The following CLDN6 variants were observed in gnomAD, a reference collection of about 807,000 sequenced individuals.
CLDN6 encodes claudin-6.
For missense variants in CLDN6, 279 were observed against 284.1 expected, an observed-to-expected ratio of 0.98 and a Z score of 0.13; for synonymous variants, 144 against 131.2, an observed-to-expected ratio of 1.10 and a Z score of -0.67.
rs780798344 is a variant in CLDN6, at chr16:3,015,956, C to T, written c.66G>A (p.Leu22=). The T allele has an allele frequency of 1.2e-6, 2 of 1,614,100 alleles. No individual in the cohort carries two copies. The highest frequency in any genetic ancestry group is 1.7e-5 in the Admixed American group (1 of 60,012). The change falls in exon 2 of 2, where the codon CTG becomes CTA. Residue 22 remains leucine (L), a synonymous_variant. Coordinates refer to ENST00000328796, the MANE Select transcript of CLDN6 (RefSeq NM_021195.5). ...VLTLLGWVNG[L]VSCALPMWKV... ...TCCACATGGGCAGGGCACAGGAGAC[C>T]AGGCCATTCACCCAGCCCAGCAGTG...
chr16:3,015,595 T>C lies in CLDN6; in HGVS notation c.427A>G (p.Ile143Val), dbSNP rs2257295. The C allele has an allele frequency of 0.38, 616,900 of 1,612,852 alleles. 120,330 individuals carry two copies. Among genetic ancestry groups the C allele is most frequent in the Middle Eastern group, 0.4 (2,417 of 6,016 alleles). ...LIPVCWTAHA[I>V]IRDFYNPLVA... Reference sequence around the variant, plus strand: ...AGGGGGTTATAGAAGTCCCGGATGATGGCATGCGCCGTCCAGCACACGGGG... The same window carrying C: ...AGGGGGTTATAGAAGTCCCGGATGACGGCATGCGCCGTCCAGCACACGGGG... Residue 143 changes from isoleucine to valine, a missense_variant, in exon 2 of 2, where the codon ATC becomes GTC. Transcript: ENST00000328796.
intron 1 of CLDN6, 28 bp from the exon 2 acceptor site, chr16:3,016,070 G>A (rs772041953): frequency 3.2e-6 from 5 of 1,573,940 alleles, no homozygotes; most frequent in African/African-American, 1.3e-5. Context: ...GCACAACAAG[G>A]TGAGGCCTGG....
chr16:3,016,047 GTT>G lies in CLDN6; in HGVS notation c.-21-7_-21-6del. 6.2e-7 allele frequency: 1 copy of G among 1,600,160 alleles called. No homozygotes were observed. Among genetic ancestry groups the G allele is most frequent in the Non-Finnish European group, 8.5e-7 (1 of 1,171,484 alleles). ...GGCGAGGTTGAAGGAGCTGCACTGT[GTT>G]TGGGACAGAAGCACAACAAGGTGAG... On this transcript the variant is annotated splice_polypyrimidine_tract_variant and splice_region_variant and intron_variant, in intron 1 of 1. Coordinates refer to ENST00000328796, the MANE Select transcript of CLDN6 (RefSeq NM_021195.5).
At position 3,015,920 on chromosome 16, in the gene CLDN6, A is replaced by G. The variant is rs772929726; in HGVS notation, c.102T>C (p.Ala34=). The G allele has an allele frequency of 1.1e-4, 171 of 1,614,116 alleles. No individual in the cohort carries two copies. Among genetic ancestry groups the G allele is most frequent in the Non-Finnish European group, 8.7e-5 (103 of 1,180,050 alleles). Residue 34 remains alanine, a synonymous_variant, in exon 2 of 2, where the codon GCT becomes GCC. Coordinates refer to ENST00000328796, the MANE Select transcript of CLDN6 (RefSeq NM_021195.5). ...CCACCACGATGCTGTTGCCGATGAAAGCGGTCACCTTCCACATGGGCAGGG... is the reference window on the plus strand; with the variant it reads ...CCACCACGATGCTGTTGCCGATGAAGGCGGTCACCTTCCACATGGGCAGGG... The part of the protein sequence containing the change: ...SCALPMWKVT[A]FIGNSIVVAQ...
rs2072556494 is a variant in CLDN6, at chr16:3,015,083, C to T, written c.*276G>A. 1 of 445,820 alleles carries T rather than the reference C, an allele frequency of 2.2e-6. No individual in the cohort carries two copies. The highest frequency in any genetic ancestry group is 3.8e-5 in the Admixed American group (1 of 26,202). The allele number at this position is 445,820 out of a possible 1,614,324, so 27.6% of individuals were successfully genotyped here. ...ACAGCAAGCAGCCTCCGCATTAGTT[C>T]CATAGCTTGACTGGCTTCTAAGATG... On this transcript the variant is annotated 3_prime_UTR_variant, in exon 2 of 2. Coordinates refer to ENST00000328796, the MANE Select transcript of CLDN6 (RefSeq NM_021195.5).
chr16:3,017,265 C>T (rs1370262261), intron 1 of CLDN6, among the ~76,000 whole-genome samples: 1 of 152,204 alleles, frequency 6.6e-6, no homozygotes, highest in African/African-American at 2.4e-5. Context: ...GTGGATAACT[C>T]CCTGGCCCCA....
rs536531302 is a variant in CLDN6 at position 3,015,455 on chromosome 16, C to T, written c.567G>A (p.Gly189=). Reference sequence around the variant, plus strand: ...CCATGTAATGGCTGGGGCCCTGGGACCCCCCCGAGGGGCAAGTGCAGCACA... The same window carrying T: ...CCATGTAATGGCTGGGGCCCTGGGATCCCCCCGAGGGGCAAGTGCAGCACA... ...GLLCCTCPSG[G]SQGPSHYMAR... Residue 189 remains glycine, a synonymous_variant, in exon 2 of 2, where the codon GGG becomes GGA. Transcript: ENST00000328796. 9.5e-6 allele frequency: 15 copies of T among 1,573,144 alleles called. No individual in the cohort carries two copies. In the South Asian group the frequency reaches 1.5e-4, roughly 16 times the overall value.
In CLDN6 at chr16:3,015,011, C is replaced by T. The variant is rs2072556132; in HGVS notation, c.*348G>A. ...ACATCTAGGGAAGCCCAGCCCCCAG[C>T]AGCAGCAGGAACTCTTGGGGACAGT... is the stretch of plus-strand genomic sequence containing the variant. On this transcript the variant is annotated 3_prime_UTR_variant, in exon 2 of 2. Coordinates refer to ENST00000328796, the MANE Select transcript of CLDN6 (RefSeq NM_021195.5). 2.4e-6 allele frequency: 1 copy of T among 412,234 alleles called. No homozygotes were observed. Among genetic ancestry groups the T allele is most frequent in the Non-Finnish European group, 4.3e-6 (1 of 234,354 alleles). The allele number at this position is 412,234 out of a possible 1,614,324, so 25.5% of individuals were successfully genotyped here. A position where few individuals can be genotyped will look rare whatever the true frequency, so the allele number is the denominator to read the frequency against.
chr16:3,015,718 C>T lies in CLDN6; in HGVS notation c.304G>A (p.Ala102Thr). The T allele has an allele frequency of 1.2e-6, 2 of 1,613,900 alleles. No individual in the cohort carries two copies. The highest frequency in any genetic ancestry group is 1.1e-5 in the South Asian group (1 of 91,086). Reference sequence around the variant, plus strand: ...TCCTCCACACAGGTGGTACACTTGGCCCCAGCAAGGTAGACCAGCAAGCCG... The same window carrying T: ...TCCTCCACACAGGTGGTACACTTGGTCCCAGCAAGGTAGACCAGCAAGCCG... ...LFGLLVYLAG[A>T]KCTTCVEEKD... is the part of the protein sequence containing the mutation. Residue 102 changes from alanine to threonine, a missense_variant, in exon 2 of 2, where the codon GCC becomes ACC. By Grantham distance (58) the Ala-to-Thr change is moderately conservative. Coordinates refer to ENST00000328796, the MANE Select transcript of CLDN6 (RefSeq NM_021195.5).
At chr16:3,017,914 C>T (rs2072578225) in intron 1 of CLDN6, among the ~76,000 whole-genome samples, 1 of 150,812 alleles carries the variant, frequency 6.6e-6, no homozygotes, top group African/African-American at 2.4e-5. Context: ...GGGAGGGGCG[C>T]CAGGGGTTTC....
At chr16:3,017,494 T>C (rs1337650090) in intron 1 of CLDN6, among the ~76,000 whole-genome samples, 3 of 152,158 alleles carry the variant, frequency 2.0e-5, no homozygotes, top group Admixed American at 6.5e-5. Context: ...AGTACTTTCA[T>C]TGTACGGCTT....
chr16:3,016,070 G>T, intron 1 of CLDN6, 28 bp from the exon 2 acceptor site: 2 of 1,574,058 alleles, frequency 1.3e-6, no homozygotes, highest in Non-Finnish European at 1.7e-6. Context: ...GCACAACAAG[G>T]TGAGGCCTGG....
In CLDN6 at chr16:3,017,747, AAG is replaced by A. The variant is rs2072576717; in HGVS notation, c.-22+400_-22+401del. Among the ~76,000 whole-genome samples the A allele has an allele frequency of 5.3e-5, 8 of 151,898 alleles. No homozygotes were observed. The South Asian group carries it at 1.7e-3, about 31-fold the overall frequency. ...TTTCTTTTTCATGCACTGCATGAAA[AAG>A]ACTCTGTCCGAGGGCGCCCCGGCCC... On this transcript the variant is annotated intron_variant, in intron 1 of 1. Transcript: ENST00000328796.
At position 3,014,912 on chromosome 16, in the gene CLDN6, A is replaced by C. The variant is rs985503916; in HGVS notation, c.*447T>G. On this transcript the variant is annotated 3_prime_UTR_variant, in exon 2 of 2. Coordinates refer to ENST00000328796, the MANE Select transcript of CLDN6 (RefSeq NM_021195.5). The stretch of plus-strand genomic sequence containing the variant: ...CGGAGGTGGGCAGTCCTTTGTTAAC[A>C]GATCATTTGTTTTTCCAGGGGTGAA... The C allele has an allele frequency of 1.6e-4, 64 of 391,358 alleles. No homozygotes were observed. The highest frequency in any genetic ancestry group is 2.5e-4 in the Non-Finnish European group (56 of 222,556). 24.2% of individuals were successfully genotyped at this position (391,358 alleles called of 1,614,324 possible).
chr16:3,018,161 T>A lies in CLDN6; in HGVS notation c.-34A>T, dbSNP rs758634252. On this transcript the variant is annotated 5_prime_UTR_variant, in exon 1 of 2. Coordinates refer to ENST00000328796, the MANE Select transcript of CLDN6 (RefSeq NM_021195.5). The stretch of plus-strand genomic sequence containing the variant: ...GCCCCGGACTCACCTGCGAAGGAGA[T>A]AAGGGAAATTCCTAGGCCGAGTGTC... 6.6e-6 allele frequency: 1 copy of A among 152,142 alleles called. No homozygotes were observed. The highest frequency in any genetic ancestry group is 1.5e-5 in the Non-Finnish European group (1 of 68,036). The allele number at this position is 152,142 out of a possible 1,614,324, so 9.4% of individuals were successfully genotyped here.
chr16:3,015,491 A>C lies in CLDN6; in HGVS notation c.531T>G (p.Gly177=), dbSNP rs1567405304. Residue 177 remains glycine (G), a synonymous_variant, in exon 2 of 2, where the codon GGT becomes GGG. Transcript: ENST00000328796. ...GWAASGLLLL[G]GGLLCCTCPS... is the part of the protein sequence containing the mutation. ...GGCAAGTGCAGCACAGCAACCCCCC[A>C]CCCAGCAACAAAAGGCCTGAGGCCG... 1.2e-6 allele frequency: 2 copies of C among 1,609,206 alleles called. No homozygotes were observed. The highest frequency in any genetic ancestry group is 1.7e-6 in the Non-Finnish European group (2 of 1,177,742).
In CLDN6 at chr16:3,015,584, G is replaced by T. The variant is rs1449440047; in HGVS notation, c.438C>A (p.Asp146Glu). The change falls in exon 2 of 2, where the codon GAC becomes GAA. Residue 146 changes from aspartate to glutamate, a missense_variant. Physicochemically the swap from Asp to Glu is conservative, Grantham distance 45. Transcript: ENST00000328796. The part of the protein sequence containing the change: ...VCWTAHAIIR[D>E]FYNPLVAEAQ... ...CCTCAGCCACCAGGGGGTTATAGAA[G>T]TCCCGGATGATGGCATGCGCCGTCC... The T allele has an allele frequency of 9.9e-6, 16 of 1,613,098 alleles. No individual in the cohort carries two copies. Among genetic ancestry groups the T allele is most frequent in the Non-Finnish European group, 1.2e-5 (14 of 1,180,020 alleles).
intron 1 of CLDN6, among the ~76,000 whole-genome samples, chr16:3,016,709 G>A (rs978386506): frequency 1.6e-4 from 24 of 150,128 alleles, no homozygotes; most frequent in Admixed American, 6.7e-5. Context: ...GTGCAGTGGC[G>A]GGATCTCGGC....
At position 3,015,924 on chromosome 16, in the gene CLDN6, G is replaced by C; in HGVS notation, c.98C>G (p.Thr33Ser). 6.2e-7 allele frequency: 1 copy of C among 1,614,250 alleles called. No individual in the cohort carries two copies. Among genetic ancestry groups the C allele is most frequent in the South Asian group, 1.1e-5 (1 of 91,090 alleles). The change falls in exon 2 of 2, where the codon ACC becomes AGC. Residue 33 changes from threonine to serine, a missense_variant. Coordinates refer to ENST00000328796, the MANE Select transcript of CLDN6 (RefSeq NM_021195.5). ...CACGATGCTGTTGCCGATGAAAGCG[G>C]TCACCTTCCACATGGGCAGGGCACA... ...VSCALPMWKVTAFIGNSIVVA... is the reference protein window; with the variant it reads ...VSCALPMWKVSAFIGNSIVVA...
Sources: gnomAD v4.1 joint callset for allele counts (sites outside exome capture counted in the v4.1 genomes callset) on GRCh38, gnomAD v4.1.1 for gene constraint, MANE v1.5 for transcripts, NCBI Gene and HGNC (gene_info 2026-07-23, HGNC 2026-07-21) for gene names.